The following PCLO variants were observed in gnomAD, a reference collection of about 807,000 sequenced individuals.
PCLO encodes the protein piccolo presynaptic cytomatrix protein.
A neutral mutation model predicts 427.5 loss-of-function variants in PCLO; 82 were observed. The ratio of observed to expected loss-of-function variants is 0.19; its 90% confidence interval spans 0.16 to 0.23. PCLO has a LOEUF of 0.23. PCLO is among the 10% of genes least tolerant of loss of function. The pLI, the probability that PCLO is intolerant of heterozygous loss-of-function variation, is 1.00. For synonymous variants in PCLO, 2,357 were observed against 2,155.4 expected (o/e 1.09, Z -2.59); for missense variants, 6,239 against 6,115.9 (o/e 1.02, Z -0.67).
At chr7:82,969,174 A>G (rs1343766413) in intron 3 of PCLO, among the ~76,000 whole-genome samples, 2 of 152,206 alleles carry the variant, frequency 1.3e-5, no homozygotes, top group Non-Finnish European at 2.9e-5. Context: ...CAATAATTTC[A>G]AGGTAGTATA....
chr7:82,884,158 C>G (rs1793576389), intron 9 of PCLO, among the ~76,000 whole-genome samples: 1 of 152,110 alleles, frequency 6.6e-6, no homozygotes, highest in Admixed American at 6.5e-5. Flanking sequence ...TGCATTCACA[C>G]CTCTTTTCTA....
At chr7:82,875,601 G>GA (rs1002580385) in intron 10 of PCLO, among the ~76,000 whole-genome samples, 2 of 151,998 alleles carry the variant, frequency 1.3e-5, no homozygotes, top group African/African-American at 4.8e-5. Context: ...GAAGGAATTT[G>GA]AAAATACTCC....
chr7:82,848,959 C>T lies in PCLO; in HGVS notation c.13655-1712G>A, dbSNP rs1393622373. On this transcript the variant is annotated intron_variant, in intron 10 of 24. Coordinates refer to ENST00000333891, the MANE Select transcript of PCLO (RefSeq NM_033026.6). ...TAAAATGAGAAAATTATGTAAAAGACAGTGACAACAACACTAAATAAAAAT... is the reference window on the plus strand; with the variant it reads ...TAAAATGAGAAAATTATGTAAAAGATAGTGACAACAACACTAAATAAAAAT... 16 of 366,860 alleles carry T rather than the reference C, an allele frequency of 4.4e-5. No homozygotes were observed. In the East Asian group the frequency reaches 1.1e-3, roughly 26 times the overall value. The allele number at this position is 366,860 out of a possible 1,614,324, so 22.7% of individuals were successfully genotyped here. A position where few individuals can be genotyped will look rare whatever the true frequency, so the allele number is the denominator to read the frequency against.
intron 6 of PCLO, among the ~76,000 whole-genome samples, chr7:82,940,911 T>C (rs1034850446): frequency 4.0e-5 from 6 of 151,434 alleles, no homozygotes; most frequent in Admixed American, 3.3e-4. Context: ...TACAGGTGCT[T>C]GCCACCACGC....
At chr7:83,027,403 C>A (rs1014189386) in intron 3 of PCLO, among the ~76,000 whole-genome samples, 13 of 151,990 alleles carry the variant, frequency 8.6e-5, no homozygotes, top group Admixed American at 3.9e-4. Context: ...AAGACTAAAC[C>A]AGGAAGAAGT....
In PCLO at chr7:83,134,571, A is replaced by G; in HGVS notation, c.2979T>C (p.Ser993=). Reference sequence around the variant, plus strand: ...CTTTTGTTTCCTTTTTCACAGGTATACTTTTTGCAGGTGCTGGTGGTGCTT... The same window carrying G: ...CTTTTGTTTCCTTTTTCACAGGTATGCTTTTTGCAGGTGCTGGTGGTGCTT... The part of the protein sequence containing the change: ...TGQAPPAPAK[S]IPVKKETKAP... The change falls in exon 3 of 25, where the codon AGT becomes AGC. Residue 993 remains serine (S), a synonymous_variant. Transcript: ENST00000333891. 4 of 1,613,564 alleles carry G rather than the reference A, an allele frequency of 2.5e-6. No individual in the cohort carries two copies. Among genetic ancestry groups the G allele is most frequent in the Non-Finnish European group, 3.4e-6 (4 of 1,179,840 alleles).
At chr7:82,901,531 T>G (rs950922020) in intron 9 of PCLO, among the ~76,000 whole-genome samples, 3 of 152,096 alleles carry the variant, frequency 2.0e-5, no homozygotes, top group African/African-American at 7.2e-5. Flanking sequence ...ACTTCATGTC[T>G]AAAACACCAA....
At chr7:82,914,615 G>A in intron 7 of PCLO, 71 bp downstream of exon 7, 2 of 1,443,742 alleles carry the variant, frequency 1.4e-6, no homozygotes, top group South Asian at 2.4e-5. Flanking sequence ...TCTGGAGAAG[G>A]GAAATTAAAC....
intron 11 of PCLO, 46 bp downstream of exon 11, chr7:82,847,093 C>A (rs760864983): frequency 3.9e-6 from 4 of 1,028,132 alleles, no homozygotes; most frequent in Non-Finnish European, 6.0e-6. Context: ...TTAAAAGAGT[C>A]ATGGATAGCC....
intron 3 of PCLO, among the ~76,000 whole-genome samples, chr7:83,053,871 T>C (rs1257453888): frequency 6.6e-6 from 1 of 151,940 alleles, no homozygotes; most frequent in Non-Finnish European, 1.5e-5. Flanking sequence ...TTAACAAAAC[T>C]ACCAGACACA....
At chr7:83,158,142 C>T (rs1038449012) in intron 1 of PCLO, among the ~76,000 whole-genome samples, 1 of 151,952 alleles carries the variant, frequency 6.6e-6, no homozygotes, top group Non-Finnish European at 1.5e-5. Flanking sequence ...TAAGTAGATT[C>T]TGAATTTTTG....
intron 10 of PCLO, among the ~76,000 whole-genome samples, chr7:82,853,311 C>G (rs941568264): frequency 3.9e-5 from 6 of 151,960 alleles, no homozygotes; most frequent in Non-Finnish European, 5.9e-5. Context: ...GCCTTCTAGC[C>G]TCCTCACCAT....
Position 82,951,446 on chromosome 7 carries a change from C to G in PCLO, c.9142G>C (p.Glu3048Gln). ...YSSKTTGPYP[E>Q]TRQVISGAGI... ...GCTCCTGAAATGACTTGTCGTGTTTCTGGATATGGACCTGTAGTCTTGCTT... is the reference window on the plus strand; with the variant it reads ...GCTCCTGAAATGACTTGTCGTGTTTGTGGATATGGACCTGTAGTCTTGCTT... Residue 3048 changes from glutamate to glutamine, a missense_variant, in exon 6 of 25, where the codon GAA becomes CAA. Physicochemically the swap from Glu to Gln is conservative, Grantham distance 29 (BLOSUM62 2). Transcript: ENST00000333891. 6.3e-7 allele frequency: 1 copy of G among 1,587,904 alleles called. No homozygotes were observed. The highest frequency in any genetic ancestry group is 1.1e-5 in the South Asian group (1 of 87,432).
intron 22 of PCLO, among the ~76,000 whole-genome samples, chr7:82,797,490 T>C (rs73706723): frequency 0.014 from 2,190 of 152,216 alleles, 58 homozygotes; most frequent in African/African-American, 0.05. Context: ...GATTTAAATG[T>C]TAAAGAAAAG....
chr7:82,961,151 A>G (rs191657375), intron 4 of PCLO, among the ~76,000 whole-genome samples: 3 of 152,342 alleles, frequency 2.0e-5, no homozygotes, highest in African/African-American at 7.2e-5. Flanking sequence ...TTGACTGTAA[A>G]TAAAAACTAA....
rs982497573 is a variant in PCLO, at chr7:82,949,455, A to T, written c.11112+21T>A. The T allele has an allele frequency of 5.2e-6, 8 of 1,524,704 alleles. No homozygotes were observed. The African/African-American group carries it at 9.7e-5, about 19-fold the overall frequency. The allele number at this position is 1,524,704 out of a possible 1,614,324, so 94.4% of individuals were successfully genotyped here. ...TTAATAACTCATCCATTGCCTTCCA[A>T]CTGAAAAGAATCACTCTTACCGTAT... is the stretch of plus-strand genomic sequence containing the variant. On this transcript the variant is annotated intron_variant, in intron 6 of 24. Transcript: ENST00000333891.
chr7:82,763,102 A>C (rs1238475519), intron 22 of PCLO, among the ~76,000 whole-genome samples: 1 of 152,086 alleles, frequency 6.6e-6, no homozygotes, highest in Non-Finnish European at 1.5e-5. Context: ...AGTCACATGA[A>C]TATTAGAAAG....
At chr7:82,815,776 T>C (rs1260666416) in intron 20 of PCLO, among the ~76,000 whole-genome samples, 6 of 152,094 alleles carry the variant, frequency 3.9e-5, no homozygotes, top group Non-Finnish European at 2.9e-5. Flanking sequence ...GTTTTGCCAT[T>C]ACTTTCAATG....
Position 82,758,579 on chromosome 7 carries a change from T to C in PCLO, c.15425A>G (p.His5142Arg), listed in dbSNP as rs141283244. ...HKLLVSPTQT[H>R] is the part of the protein sequence containing the mutation. ...ACCCTGAGAAGACATGTTTCTTCAA[T>C]GCGTTTGAGTAGGACTGACCAAAAG... is the stretch of plus-strand genomic sequence containing the variant. The change falls in exon 25 of 25, where the codon CAT becomes CGT. Residue 5142 changes from histidine (H) to arginine (R), a missense_variant. By Grantham distance (29) the His-to-Arg change is conservative (BLOSUM62 0). This residue lies in a region of PCLO where 877 missense variants were observed against 925.5 expected (regional missense o/e 0.95). Coordinates refer to ENST00000333891, the MANE Select transcript of PCLO (RefSeq NM_033026.6). 5.5e-5 allele frequency: 89 copies of C among 1,608,472 alleles called. 1 individual carries two copies. The East Asian group carries it at 1.9e-3, about 34-fold the overall frequency.
Sources: gnomAD v4.1 joint callset for allele counts (sites outside exome capture counted in the v4.1 genomes callset) on GRCh38, gnomAD v4.1.1 for gene constraint, gnomAD v4.1.1 regional missense constraint, MANE v1.5 for transcripts, NCBI Gene and HGNC (gene_info 2026-07-23, HGNC 2026-07-21) for gene names.